Variants in TCOF1 observed in about 807,000 individuals in gnomAD.
TCOF1 encodes treacle ribosome biogenesis factor 1.
A neutral mutation model predicts 149.0 loss-of-function variants in TCOF1; 33 were observed. That is an observed-to-expected ratio of 0.22 (90% CI 0.17 to 0.30). The LOEUF is 0.30. Ranked by LOEUF, TCOF1 falls within the 10% of genes least tolerant of loss-of-function variation. TCOF1 has a pLI of 1.00. For missense variants in TCOF1, 1,728 were observed against 1,840.7 expected (o/e 0.94, Z 1.12); for synonymous variants, 789 against 738.8 (o/e 1.07, Z -1.10).
chr5:150,382,587 C>G (rs1256448813), intron 17 of TCOF1, among the ~76,000 whole-genome samples: 1 of 152,258 alleles, frequency 6.6e-6, no homozygotes, highest in African/African-American at 2.4e-5. Flanking sequence ...CCTCCTCTGA[C>G]TGCAGTGCTT....
chr5:150,363,079 GT>G (rs1760532311), intron 2 of TCOF1, among the ~76,000 whole-genome samples: 1 of 152,070 alleles, frequency 6.6e-6, no homozygotes, highest in Non-Finnish European at 1.5e-5. Context: ...TCCATATAAA[GT>G]GCTAAAACTA....
intron 7 of TCOF1, 137 bp downstream of exon 7, chr5:150,372,373 C>G (rs1581093097): frequency 1.3e-6 from 1 of 749,686 alleles, no homozygotes; most frequent in East Asian, 2.7e-5. Flanking sequence ...CAAGAACAGC[C>G]TGCTTCCCAC....
At chr5:150,398,207 C>A in intron 24 of TCOF1, 147 bp from the exon 25 acceptor site, 1 of 1,531,952 alleles carries the variant, frequency 6.5e-7, no homozygotes, top group South Asian at 1.2e-5. Context: ...CAGGAATGAA[C>A]CTCCACGCCC....
chr5:150,376,740 C>G, intron 14 of TCOF1, 120 bp downstream of exon 14: 1 of 987,314 alleles, frequency 1.0e-6, no homozygotes, highest in Middle Eastern at 3.1e-4. Flanking sequence ...GAGGTAGCCT[C>G]AACACAGCTT....
intron 6 of TCOF1, among the ~76,000 whole-genome samples, chr5:150,371,446 C>G (rs1762501219): frequency 6.6e-6 from 1 of 152,180 alleles, no homozygotes; most frequent in South Asian, 2.1e-4. Flanking sequence ...CCCCAGAAAC[C>G]CAGGGCCGCA....
intron 22 of TCOF1, 144 bp downstream of exon 22, chr5:150,392,934 C>T (rs1274038200): frequency 1.7e-5 from 16 of 969,600 alleles, no homozygotes; most frequent in South Asian, 1.4e-5. Flanking sequence ...CTGCAAGGCA[C>T]CACGTGTGGC....
chr5:150,380,311 T>C (rs1764854335), intron 17 of TCOF1: 1 of 165,664 alleles, frequency 6.0e-6, no homozygotes, highest in Admixed American at 5.6e-5. Context: ...CTCTATAAGC[T>C]AGGCCAGTAT....
At chr5:150,387,161 G>A (rs920598407) in intron 17 of TCOF1, among the ~76,000 whole-genome samples, 1 of 152,132 alleles carries the variant, frequency 6.6e-6, no homozygotes, top group Non-Finnish European at 1.5e-5. Flanking sequence ...GCACAACTAC[G>A]ATACAGTGTC....
In TCOF1 at chr5:150,400,072, T is replaced by G. The variant is rs1769461452; in HGVS notation, c.*285T>G. Reference sequence around the variant, plus strand: ...TGTACAGTATATGTATTTTTTTAAGTGACCTCCTCTCCTTCCACAGACCCC... The same window carrying G: ...TGTACAGTATATGTATTTTTTTAAGGGACCTCCTCTCCTTCCACAGACCCC... On this transcript the variant is annotated 3_prime_UTR_variant, in exon 27 of 27. Transcript: ENST00000643257. 1 of 152,280 alleles carries G rather than the reference T, an allele frequency of 6.6e-6. No homozygotes were observed. The highest frequency in any genetic ancestry group is 1.5e-5 in the Non-Finnish European group (1 of 68,142). 9.4% of individuals were successfully genotyped at this position (152,280 alleles called of 1,614,324 possible). A position where few individuals can be genotyped will look rare whatever the true frequency, so the allele number is the denominator to read the frequency against.
In TCOF1 at chr5:150,376,638, C is replaced by G. The variant is rs1250460943; in HGVS notation, c.2340+18C>G. ...CAGCACAGGTGAGGCCTAGAAGGAGCAGGCCCATCCCACCCACACCTGTTC... is the reference window on the plus strand; with the variant it reads ...CAGCACAGGTGAGGCCTAGAAGGAGGAGGCCCATCCCACCCACACCTGTTC... On this transcript the variant is annotated intron_variant, in intron 14 of 26. Transcript: ENST00000643257. 8 of 1,552,456 alleles carry G rather than the reference C, an allele frequency of 5.2e-6. No homozygotes were observed. Among genetic ancestry groups the G allele is most frequent in the Non-Finnish European group, 5.2e-6 (6 of 1,148,504 alleles).
chr5:150,383,428 G>T (rs1765639739), intron 17 of TCOF1, among the ~76,000 whole-genome samples: 1 of 152,348 alleles, frequency 6.6e-6, no homozygotes, highest in East Asian at 1.9e-4. Flanking sequence ...ACAGCCCCAT[G>T]GTCCTGGGCA....
intron 17 of TCOF1, chr5:150,383,135 C>T (rs182621149): frequency 2.6e-6 from 4 of 1,536,076 alleles, no homozygotes; most frequent in Non-Finnish European, 3.5e-6. Context: ...ACGGAGGGGT[C>T]CTCGGAGAGC....
chr5:150,393,532 G>A lies in TCOF1; in HGVS notation c.3764G>A (p.Gly1255Asp), dbSNP rs756775877. Residue 1255 changes from glycine to aspartate, a missense_variant, in exon 23 of 27, where the codon GGC becomes GAC. By Grantham distance (94) the Gly-to-Asp change is moderately conservative. Transcript: ENST00000643257. ...GAGGCAAAGCCCCAACAGGCAGCAG[G>A]CATGTTGTCCCCTAAAACAGGTAAG... ...KQEAKPQQAA[G>D]MLSPKTGGKE... 9.9e-6 allele frequency: 16 copies of A among 1,614,174 alleles called. No homozygotes were observed. In the East Asian group the frequency reaches 3.6e-4, roughly 36 times the overall value.
chr5:150,366,515 G>A (rs1251208473), intron 3 of TCOF1, among the ~76,000 whole-genome samples: 1 of 152,144 alleles, frequency 6.6e-6, no homozygotes, highest in Admixed American at 6.5e-5. Context: ...GTTAATGGTT[G>A]GAGCTGCCTG....
In TCOF1 at chr5:150,391,524, C is replaced by T; in HGVS notation, c.3184-20C>T. 3 of 1,602,986 alleles carry T rather than the reference C, an allele frequency of 1.9e-6. No individual in the cohort carries two copies. The highest frequency in any genetic ancestry group is 2.6e-6 in the Non-Finnish European group (3 of 1,169,884). On this transcript the variant is annotated intron_variant, in intron 19 of 26. Transcript: ENST00000643257. ...TCCCAAGGACTTGTGAGTCTGAGGG[C>T]TACCTCTTGCCACCCACAGGTGTCA...
chr5:150,379,847 G>A, intron 17 of TCOF1, 115 bp downstream of exon 17: 1 of 1,320,080 alleles, frequency 7.6e-7, no homozygotes, highest in Non-Finnish European at 1.1e-6. Flanking sequence ...CGAGGCAGAT[G>A]TATCACTTGA....
intron 5 of TCOF1, 145 bp downstream of exon 5, chr5:150,369,047 T>C: frequency 9.0e-7 from 1 of 1,105,058 alleles, no homozygotes; most frequent in South Asian, 1.4e-5. Flanking sequence ...AGGACTTTTC[T>C]CATCACCTAG....
intron 26 of TCOF1, 121 bp downstream of exon 26, chr5:150,399,191 A>G: frequency 7.1e-7 from 1 of 1,418,202 alleles, no homozygotes; most frequent in Non-Finnish European, 9.8e-7. Flanking sequence ...GGCTGGGGAA[A>G]GAGGTTCTGT....
At chr5:150,390,330 A>G (rs979695756) in intron 19 of TCOF1, among the ~76,000 whole-genome samples, 8 of 152,288 alleles carry the variant, frequency 5.3e-5, no homozygotes, top group African/African-American at 1.4e-4. Context: ...TTGAAATGCC[A>G]TGAACAAAAG....
Sources: gnomAD v4.1 joint callset for allele counts (sites outside exome capture counted in the v4.1 genomes callset) on GRCh38, gnomAD v4.1.1 for gene constraint, MANE v1.5 for transcripts, NCBI Gene and HGNC (gene_info 2026-07-23, HGNC 2026-07-21) for gene names.